The following PEG3 variants were observed in gnomAD, a reference collection of about 807,000 sequenced individuals.
PEG3 encodes the protein paternally expressed 3.
A neutral mutation model predicts 35.5 loss-of-function variants in PEG3; 23 were observed. The ratio of observed to expected loss-of-function variants is 0.65; its 90% confidence interval spans 0.47 to 0.92. The LOEUF is 0.92. PEG3 is among the 40% of genes least tolerant of loss of function. The pLI is 0.00. For synonymous variants in PEG3, 707 were observed against 697.0 expected, an observed-to-expected ratio of 1.01 and a Z score of -0.23; for missense variants, 1,960 against 1,985.3, an observed-to-expected ratio of 0.99 and a Z score of 0.24.
In PEG3 at chr19:56,822,913, CT is replaced by C. The variant is rs2060638178; in HGVS notation, c.482-78del. Reference sequence around the variant, plus strand: ...TTTCCCTGCATGTGCACAAACACCCCTCTGGAAAGAGATGCTACCCTCTTCC... The same window carrying C: ...TTTCCCTGCATGTGCACAAACACCCCCTGGAAAGAGATGCTACCCTCTTCC... On this transcript the variant is annotated intron_variant, in intron 5 of 9. Transcript: ENST00000326441. 1.0e-5 allele frequency: 16 copies of C among 1,543,822 alleles called. No homozygotes were observed. The South Asian group carries it at 1.8e-4, about 17-fold the overall frequency.
intron 2 of PEG3, chr19:56,833,172 C>A (rs1471219474): frequency 1.9e-6 from 1 of 517,446 alleles, no homozygotes; most frequent in South Asian, 1.4e-5. Context: ...CAGGCTCCCA[C>A]ATCCCATCTG....
In PEG3 at chr19:56,812,643, G is replaced by A. The variant is rs559585722; in HGVS notation, c.*1032C>T. On this transcript the variant is annotated 3_prime_UTR_variant, in exon 10 of 10. Coordinates refer to ENST00000326441, the MANE Select transcript of PEG3 (RefSeq NM_006210.3). ...CAAAGGAAGTGATGAAAGGTTATTA[G>A]CCTGCAACATTATTTACAGCATGAG... The A allele has an allele frequency of 1.0e-6, 1 of 985,716 alleles. No individual in the cohort carries two copies. Among genetic ancestry groups the A allele is most frequent in the South Asian group, 4.7e-5 (1 of 21,270 alleles). The allele number at this position is 985,716 out of a possible 1,614,324, so 61.1% of individuals were successfully genotyped here. A position where few individuals can be genotyped will look rare whatever the true frequency, so the allele number is the denominator to read the frequency against.
At chr19:56,826,912 A>G (rs1288314546) in intron 2 of PEG3, among the ~76,000 whole-genome samples, 1 of 152,226 alleles carries the variant, frequency 6.6e-6, no homozygotes, top group African/African-American at 2.4e-5. Flanking sequence ...TCCCTAACAG[A>G]CATGAATTGA....
chr19:56,830,412 C>T (rs2061465835), intron 2 of PEG3, among the ~76,000 whole-genome samples: 1 of 152,176 alleles, frequency 6.6e-6, no homozygotes, highest in Non-Finnish European at 1.5e-5. Flanking sequence ...ACAGCCTTTC[C>T]TCATAAATTC....
In PEG3 at chr19:56,815,220, G is replaced by T; in HGVS notation, c.3222C>A (p.His1074Gln). ...QGENTDGEET[H>Q]SEETHGQETI... ...TCTCCTGACCATGGGTCTCCTCGCT[G>T]TGGGTCTCCTCCCCATCAGTATTCT... The change falls in exon 10 of 10, where the codon CAC becomes CAA. Residue 1074 changes from histidine to glutamine, a missense_variant. His to Gln is a conservative substitution (Grantham distance 24). Coordinates refer to ENST00000326441, the MANE Select transcript of PEG3 (RefSeq NM_006210.3). 6.2e-7 allele frequency: 1 copy of T among 1,613,942 alleles called. No individual in the cohort carries two copies. The highest frequency in any genetic ancestry group is 8.5e-7 in the Non-Finnish European group (1 of 1,179,836).
rs114389939 is a variant in PEG3, at chr19:56,836,868, G to T, written c.-249-764C>A. Among the ~76,000 whole-genome samples, 456 of 151,526 alleles carry T rather than the reference G, an allele frequency of 3.0e-3. 5 individuals are homozygous for T. The highest frequency in any genetic ancestry group is 0.011 in the African/African-American group (442 of 41,222). On this transcript the variant is annotated intron_variant, in intron 1 of 9. Transcript: ENST00000326441. Reference sequence around the variant, plus strand: ...CTGTATTCCCAGCTACTCTGAAGAGGCTGGGGTGGGAGAATCACTTGAACC... The same window carrying T: ...CTGTATTCCCAGCTACTCTGAAGAGTCTGGGGTGGGAGAATCACTTGAACC...
intron 2 of PEG3, among the ~76,000 whole-genome samples, chr19:56,827,799 T>C (rs1311839821): frequency 1.3e-5 from 2 of 152,286 alleles, no homozygotes; most frequent in East Asian, 3.9e-4. Flanking sequence ...TCCAAGATAG[T>C]TAAGTGCAAA....
intron 5 of PEG3, 62 bp from the exon 6 acceptor site, chr19:56,822,898 T>A: frequency 6.4e-7 from 1 of 1,569,458 alleles, no homozygotes; most frequent in Admixed American, 1.9e-5. Context: ...TTTCCCTGCA[T>A]GTGCACAAAC....
chr19:56,811,721 G>C lies in PEG3; in HGVS notation c.*1954C>G. 2.0e-6 allele frequency: 2 copies of C among 985,426 alleles called. No homozygotes were observed. The highest frequency in any genetic ancestry group is 1.2e-6 in the Non-Finnish European group (1 of 829,974). The allele number at this position is 985,426 out of a possible 1,614,324, so 61.0% of individuals were successfully genotyped here. ...AACCTCACTGCCCCTCAGCTTTCCC[G>C]ATGTCCGTTCCAACCTCAGTCCTTC... On this transcript the variant is annotated 3_prime_UTR_variant, in exon 10 of 10. Coordinates refer to ENST00000326441, the MANE Select transcript of PEG3 (RefSeq NM_006210.3).
chr19:56,814,237 G>A lies in PEG3; in HGVS notation c.4205C>T (p.Ala1402Val). Residue 1402 changes from alanine to valine, a missense_variant, in exon 10 of 10, where the codon GCC becomes GTC. By Grantham distance (64) the Ala-to-Val change is moderately conservative. Transcript: ENST00000326441. The surrounding 1 kb of genome is among the most constrained non-coding windows in gnomAD (Gnocchi z 5.8). ...VEAAEPEVEA[A>V]EPEVEAAEPE... ...CTCAGCAGCCTCCACTTCTGGCTCG[G>A]CAGCCTCCACTTCTGGCTCAGCAGC... The A allele has an allele frequency of 6.2e-7, 1 of 1,613,154 alleles. No homozygotes were observed.
rs556435823 is a variant in PEG3 at position 56,836,567 on chromosome 19, G to T, written c.-249-463C>A. Reference sequence around the variant, plus strand: ...AGTCCCACTGCACCTCAGAGTATGTGTTCAATCAATTAGAGGTCCCTGGGG... The same window carrying T: ...AGTCCCACTGCACCTCAGAGTATGTTTTCAATCAATTAGAGGTCCCTGGGG... On this transcript the variant is annotated intron_variant, in intron 1 of 9. Coordinates refer to ENST00000326441, the MANE Select transcript of PEG3 (RefSeq NM_006210.3). Among the ~76,000 whole-genome samples the T allele has an allele frequency of 1.7e-3, 265 of 152,298 alleles. 2 individuals are homozygous for T. The highest frequency in any genetic ancestry group is 6.0e-3 in the African/African-American group (251 of 41,558).
chr19:56,818,202 T>A (rs1181967576), intron 8 of PEG3, among the ~76,000 whole-genome samples: 1 of 152,174 alleles, frequency 6.6e-6, no homozygotes, highest in African/African-American at 2.4e-5. Flanking sequence ...TGAGGCCCCA[T>A]GGCCTTACAG....
chr19:56,835,024 C>G lies in PEG3; in HGVS notation c.-163+994G>C, dbSNP rs140406519. On this transcript the variant is annotated intron_variant, in intron 2 of 9. Transcript: ENST00000326441. Reference sequence around the variant, plus strand: ...CTCACTGTGCCTCCTCTGAATCAGTCAGCAGGCCATGAACAGAGAAAGTGA... The same window carrying G: ...CTCACTGTGCCTCCTCTGAATCAGTGAGCAGGCCATGAACAGAGAAAGTGA... Among the ~76,000 whole-genome samples, 370 of 152,236 alleles carry G rather than the reference C, an allele frequency of 2.4e-3. 4 individuals are homozygous for G. The highest frequency in any genetic ancestry group is 8.6e-3 in the African/African-American group (358 of 41,534).
Position 56,814,351 on chromosome 19 carries a change from G to GCTGCTTCATCTTCTT in PEG3, c.4076_4090dup (p.Glu1359_Ala1363dup). The GCTGCTTCATCTTCTT allele has an allele frequency of 6.2e-7, 1 of 1,613,672 alleles. No homozygotes were observed. The highest frequency in any genetic ancestry group is 8.5e-7 in the Non-Finnish European group (1 of 1,179,616). The stretch of plus-strand genomic sequence containing the variant: ...CTGGGCTGCTGCTGCTGCAGCTGCT[G>GCTGCTTCATCTTCTT]CTGCTTCATCTTCTTCTTCTTCTTC... On this transcript the variant is annotated inframe_insertion, in exon 10 of 10. Transcript: ENST00000326441. The surrounding 1 kb of genome is among the most constrained non-coding windows in gnomAD (Gnocchi z 5.8).
At chr19:56,838,447 C>T (rs2062466408) in intron 1 of PEG3, among the ~76,000 whole-genome samples, 1 of 152,160 alleles carries the variant, frequency 6.6e-6, no homozygotes, top group African/African-American at 2.4e-5. Context: ...TCCCGAGGAA[C>T]GGTCCCGGGC....
At chr19:56,830,443 G>A (rs1445084007) in intron 2 of PEG3, among the ~76,000 whole-genome samples, 1 of 152,154 alleles carries the variant, frequency 6.6e-6, no homozygotes, top group Non-Finnish European at 1.5e-5. Context: ...AAAAGCAGGA[G>A]ACCATCTAAG....
Position 56,812,899 on chromosome 19 carries a change from A to C in PEG3, c.*776T>G. Reference sequence around the variant, plus strand: ...TCAACAAACATAACATGTGGCAACCAATCAATCTGGGTCACAAAAAGCCAA... The same window carrying C: ...TCAACAAACATAACATGTGGCAACCCATCAATCTGGGTCACAAAAAGCCAA... On this transcript the variant is annotated 3_prime_UTR_variant, in exon 10 of 10. Coordinates refer to ENST00000326441, the MANE Select transcript of PEG3 (RefSeq NM_006210.3). The C allele has an allele frequency of 2.0e-6, 2 of 985,768 alleles. No individual in the cohort carries two copies. Among genetic ancestry groups the C allele is most frequent in the Non-Finnish European group, 2.4e-6 (2 of 829,916 alleles). The allele number at this position is 985,768 out of a possible 1,614,324, so 61.1% of individuals were successfully genotyped here.
intron 2 of PEG3, among the ~76,000 whole-genome samples, chr19:56,828,316 T>C (rs2061257417): frequency 6.6e-6 from 1 of 152,228 alleles, no homozygotes; most frequent in Non-Finnish European, 1.5e-5. Context: ...ACTTATGATA[T>C]TGCAGTTGCA....
chr19:56,816,483 G>T lies in PEG3; in HGVS notation c.1959C>A (p.Asn653Lys). 1 of 1,613,438 alleles carries T rather than the reference G, an allele frequency of 6.2e-7. No individual in the cohort carries two copies. Among genetic ancestry groups the T allele is most frequent in the Non-Finnish European group, 8.5e-7 (1 of 1,179,654 alleles). The change falls in exon 10 of 10, where the codon AAC becomes AAA. Residue 653 changes from asparagine to lysine, a missense_variant. Around this residue, in one of 5 missense-constraint regions of PEG3, gnomAD observed 798 missense variants for 782.4 expected, o/e 1.02. Transcript: ENST00000326441. Reference protein sequence around the residue: ...KEHQKIHTRGNPFENKGKVCE... With the variant: ...KEHQKIHTRGKPFENKGKVCE... ...ACACTTTACCCTTGTTTTCAAATGGGTTCCCTCTAGTATGGATTTTCTGAT... is the reference window on the plus strand; with the variant it reads ...ACACTTTACCCTTGTTTTCAAATGGTTTCCCTCTAGTATGGATTTTCTGAT...
Sources: gnomAD v4.1 joint callset for allele counts (sites outside exome capture counted in the v4.1 genomes callset) on GRCh38, gnomAD v4.1.1 for gene constraint, gnomAD v4.1.1 regional missense constraint, Gnocchi (gnomAD v3.1) non-coding constraint, MANE v1.5 for transcripts, NCBI Gene and HGNC (gene_info 2026-07-23, HGNC 2026-07-21) for gene names.